Variants in AGBL1 observed in about 807,000 individuals in gnomAD.
The protein encoded by AGBL1 is AGBL carboxypeptidase 1.
Under a neutral mutation model 118.9 loss-of-function variants are expected in AGBL1, and 130 were observed. The ratio of observed to expected loss-of-function variants is 1.09; its 90% CI spans 0.95 to 1.26. AGBL1 has a LOEUF of 1.26. AGBL1 is among the 50% of genes most tolerant of loss of function. The probability of loss-of-function intolerance (pLI) is 0.00; values close to 1 mark genes in which losing one functional copy is unlikely to be tolerated. For missense variants in AGBL1, 1,584 were observed against 1,298.1 expected, an observed-to-expected ratio of 1.22 and a Z score of -3.38; for synonymous variants, 555 against 478.9, an observed-to-expected ratio of 1.16 and a Z score of -2.08.
intron 18 of AGBL1, among the ~76,000 whole-genome samples, chr15:86,487,638 G>C (rs532706874): frequency 6.6e-6 from 1 of 152,038 alleles, no homozygotes; most frequent in South Asian, 2.1e-4. Context: ...AGGAGGCCGA[G>C]ACCAGTGCCA....
rs1229182683 is a variant in AGBL1 at position 86,613,448 on chromosome 15, A to G, written c.2994+58911A>G. 1.3e-5 allele frequency among the ~76,000 whole-genome samples: 2 copies of G among 152,134 alleles called. No homozygotes were observed. The highest frequency in any genetic ancestry group is 2.9e-5 in the Non-Finnish European group (2 of 68,036). On this transcript the variant is annotated intron_variant, in intron 21 of 22. Transcript: ENST00000614907. This position sits in a 1 kb window ranked among gnomAD's most constrained non-coding sequence, Gnocchi z 4.2. ...GCTTAGCCAGATGAGTGGCAGGAGGAGCTGTGGGCATTTAGCTCAGACAGA... is the reference window on the plus strand; with the variant it reads ...GCTTAGCCAGATGAGTGGCAGGAGGGGCTGTGGGCATTTAGCTCAGACAGA...
At chr15:86,434,327 A>G (rs765064782) in intron 18 of AGBL1, among the ~76,000 whole-genome samples, 8 of 152,236 alleles carry the variant, frequency 5.3e-5, no homozygotes, top group Non-Finnish European at 1.0e-4. Context: ...ACTGAATTCA[A>G]TAATGTCTGA....
Position 86,830,195 on chromosome 15 carries a change from A to AT in AGBL1, c.3159-76884dup, listed in dbSNP as rs1447783590. The stretch of plus-strand genomic sequence containing the variant: ...AGTTTTAAAGAATACAATTTGATGA[A>AT]TTTTTTTTACCTACACATTATACCC... On this transcript the variant is annotated intron_variant, in intron 22 of 22. Transcript: ENST00000614907. Among the ~76,000 whole-genome samples, 16 of 151,934 alleles carry AT rather than the reference A, an allele frequency of 1.1e-4. No homozygotes were observed. In the East Asian group the frequency reaches 1.9e-3, roughly 18 times the overall value.
chr15:86,762,542 C>T lies in AGBL1; in HGVS notation c.3158+88106C>T, dbSNP rs2078041638. 3.3e-5 allele frequency among the ~76,000 whole-genome samples: 5 copies of T among 151,984 alleles called. No individual in the cohort carries two copies. In the South Asian group the frequency reaches 8.3e-4, roughly 25 times the overall value. ...TAATCATGGAGTTTTCTTTGTGGCT[C>T]AGGAATTTATTACTCCTTACTATAA... On this transcript the variant is annotated intron_variant, in intron 22 of 22. Coordinates refer to ENST00000614907, the MANE Select transcript of AGBL1 (RefSeq NM_001386094.1).
intron 19 of AGBL1, among the ~76,000 whole-genome samples, chr15:86,533,526 A>G (rs2083379250): frequency 8.6e-6 from 1 of 116,464 alleles, no homozygotes; most frequent in Non-Finnish European, 1.7e-5. Flanking sequence ...ACTGTAAACT[A>G]GTTCAACCAT....
At chr15:86,084,019 T>C (rs1895468111) in intron 1 of AGBL1, among the ~76,000 whole-genome samples, 1 of 152,220 alleles carries the variant, frequency 6.6e-6, no homozygotes, top group South Asian at 2.1e-4. Context: ...TTGTTGGAGA[T>C]ACCTGCTTCA....
intron 19 of AGBL1, among the ~76,000 whole-genome samples, chr15:86,534,541 T>A (rs1333155363): frequency 6.6e-6 from 1 of 152,296 alleles, no homozygotes; most frequent in East Asian, 1.9e-4. Context: ...TCATTTGATA[T>A]CACACAGACC....
intron 23 of AGBL1, among the ~76,000 whole-genome samples, chr15:86,957,168 C>A (rs2080939582): frequency 1.3e-5 from 2 of 151,948 alleles, no homozygotes; most frequent in South Asian, 2.1e-4. Context: ...ATTCAACACA[C>A]TGAAAAATAA....
intron 17 of AGBL1, among the ~76,000 whole-genome samples, chr15:86,343,987 A>G (rs2080499219): frequency 2.0e-5 from 3 of 152,192 alleles, no homozygotes; most frequent in South Asian, 4.1e-4. Context: ...GAAAAAACCT[A>G]TATTTCACAA....
At chr15:86,364,495 G>A (rs985101717) in intron 17 of AGBL1, among the ~76,000 whole-genome samples, 1 of 152,120 alleles carries the variant, frequency 6.6e-6, no homozygotes, top group Non-Finnish European at 1.5e-5. Flanking sequence ...CTTTAATCTG[G>A]AATTTTAATG....
At chr15:86,290,139 T>C (rs1194958568) in intron 16 of AGBL1, among the ~76,000 whole-genome samples, 1 of 152,154 alleles carries the variant, frequency 6.6e-6, no homozygotes. Flanking sequence ...ATTTTAGAGC[T>C]AGGTGATGAC....
intron 21 of AGBL1, among the ~76,000 whole-genome samples, chr15:86,575,336 C>CA (rs750529702): frequency 1.3e-4 from 20 of 150,840 alleles, no homozygotes; most frequent in Non-Finnish European, 2.4e-4. Context: ...TTGTCTCTAT[C>CA]AAAAAATCAA....
chr15:86,817,463 T>TACAC (rs143498374), intron 22 of AGBL1, among the ~76,000 whole-genome samples: 55,128 of 133,076 alleles, frequency 0.41, 11,726 homozygotes, highest in Non-Finnish European at 0.48. Context: ...CTCTGAGAGA[T>TACAC]ACACACACAC....
At chr15:86,157,746 C>A (rs1007225280) in intron 4 of AGBL1, among the ~76,000 whole-genome samples, 2 of 152,154 alleles carry the variant, frequency 1.3e-5, no homozygotes, top group African/African-American at 4.8e-5. Context: ...CAGCTCCTAT[C>A]TTCAGAAGGA....
At chr15:86,591,054 C>T (rs145831243) in intron 21 of AGBL1, among the ~76,000 whole-genome samples, 30 of 152,238 alleles carry the variant, frequency 2.0e-4, no homozygotes, top group East Asian at 1.5e-3. Context: ...AAGTTTAGTT[C>T]GCTCTCTAGT....
intron 18 of AGBL1, among the ~76,000 whole-genome samples, chr15:86,460,911 C>T (rs571776432): frequency 6.6e-6 from 1 of 152,296 alleles, no homozygotes; most frequent in Non-Finnish European, 1.5e-5. Context: ...CTACTATTAA[C>T]GTTGCATTTT....
intron 22 of AGBL1, among the ~76,000 whole-genome samples, chr15:86,747,110 A>G (rs2077769271): frequency 6.6e-6 from 1 of 152,036 alleles, no homozygotes; most frequent in African/African-American, 2.4e-5. Flanking sequence ...CTCTAGAGGG[A>G]TCACTTTTGC....
At chr15:86,807,368 C>G (rs1012319991) in intron 22 of AGBL1, among the ~76,000 whole-genome samples, 1 of 152,164 alleles carries the variant, frequency 6.6e-6, no homozygotes, top group South Asian at 2.1e-4. Flanking sequence ...AGAGACATCA[C>G]GTTGGAAGCA....
chr15:86,922,704 T>C (rs1237466705), intron 23 of AGBL1, among the ~76,000 whole-genome samples: 1 of 152,136 alleles, frequency 6.6e-6, no homozygotes, highest in Non-Finnish European at 1.5e-5. Context: ...TCAAGTATGA[T>C]CAAGAAATAA....
Sources: gnomAD v4.1 joint callset for allele counts (sites outside exome capture counted in the v4.1 genomes callset) on GRCh38, gnomAD v4.1.1 for gene constraint, Gnocchi (gnomAD v3.1) non-coding constraint, MANE v1.5 for transcripts, NCBI Gene and HGNC (gene_info 2026-07-23, HGNC 2026-07-21) for gene names.